BRINP1: variants seen among roughly 807,000 people sequenced by gnomAD.
The protein encoded by BRINP1 is BMP/retinoic acid-inducible neural-specific protein 1.
Under a neutral mutation model 72.9 loss-of-function variants are expected in BRINP1, and 17 were observed. The observed-to-expected ratio is 0.23, with a 90% confidence interval of 0.16 to 0.35. BRINP1 has a LOEUF of 0.35. Among genes scored for constraint, BRINP1 ranks in the 10% least tolerant of loss-of-function variants. The probability of loss-of-function intolerance (pLI) is 1.00; values close to 1 mark genes in which losing one functional copy is unlikely to be tolerated. For synonymous variants in BRINP1, 418 were observed against 378.5 expected (o/e 1.10, Z -1.21); for missense variants, 850 against 1,001.6 (o/e 0.85, Z 2.04).
At chr9:119,243,922 C>T (rs950106691) in intron 3 of BRINP1, among the ~76,000 whole-genome samples, 1 of 152,140 alleles carries the variant, frequency 6.6e-6, no homozygotes, top group African/African-American at 2.4e-5. Flanking sequence ...AAAGAGTGGG[C>T]ACCTGCATCC....
intron 7 of BRINP1, among the ~76,000 whole-genome samples, chr9:119,207,981 C>A (rs1219105541): frequency 6.6e-6 from 1 of 152,094 alleles, no homozygotes; most frequent in African/African-American, 2.4e-5. Flanking sequence ...CAGAAATGCC[C>A]CGGAAGAATA....
rs139249807 is a variant in BRINP1 at position 119,368,713 on chromosome 9, G to GACAC, written c.-51+339_-51+342dup. ...TCTTCACCCCTCCCTTACACACACG[G>GACAC]ACACACACACACACCACGAACACAC... On this transcript the variant is annotated intron_variant, in intron 1 of 7. Transcript: ENST00000265922. This position sits in a 1 kb window ranked among gnomAD's most constrained non-coding sequence, Gnocchi z 4.7. 1.3e-5 allele frequency among the ~76,000 whole-genome samples: 2 copies of GACAC among 151,386 alleles called. No individual in the cohort carries two copies. Among genetic ancestry groups the GACAC allele is most frequent in the Admixed American group, 1.3e-4 (2 of 15,194 alleles).
intron 1 of BRINP1, among the ~76,000 whole-genome samples, chr9:119,332,346 G>T (rs1405789652): frequency 6.6e-6 from 1 of 152,166 alleles, no homozygotes; most frequent in Non-Finnish European, 1.5e-5. Flanking sequence ...GAATTTTGTA[G>T]ATGTTACCTC....
At chr9:119,306,817 C>T (rs1831001987) in intron 2 of BRINP1, among the ~76,000 whole-genome samples, 2 of 152,136 alleles carry the variant, frequency 1.3e-5, no homozygotes, top group African/African-American at 4.8e-5. Context: ...CATTGAACTG[C>T]CATCCTGGTC....
intron 2 of BRINP1, among the ~76,000 whole-genome samples, chr9:119,274,324 A>G (rs1188670500): frequency 6.6e-6 from 1 of 152,248 alleles, no homozygotes. Flanking sequence ...CCTGGAAAAC[A>G]GGACCCTGGG....
chr9:119,313,543 T>G (rs1831091536), intron 1 of BRINP1, 138 bp from the exon 2 acceptor site: 1 of 736,338 alleles, frequency 1.4e-6, no homozygotes, highest in Non-Finnish European at 2.1e-6. Flanking sequence ...ATACCTTATA[T>G]CAGTAGAGTG....
chr9:119,356,412 T>C (rs1280401116), intron 1 of BRINP1, among the ~76,000 whole-genome samples: 1 of 152,238 alleles, frequency 6.6e-6, no homozygotes. Flanking sequence ...CTCAATTAAA[T>C]GTCAGCTCTA....
intron 1 of BRINP1, among the ~76,000 whole-genome samples, chr9:119,359,214 G>A (rs1831603982): frequency 6.6e-6 from 1 of 152,108 alleles, no homozygotes. Context: ...TTATTTTTGA[G>A]ATAGAATCTG....
chr9:119,178,131 G>C (rs1026952003), intron 7 of BRINP1, among the ~76,000 whole-genome samples: 1 of 152,184 alleles, frequency 6.6e-6, no homozygotes, highest in Non-Finnish European at 1.5e-5. Context: ...TGAAATTAGA[G>C]TGGGTAGGAT....
At chr9:119,207,114 TA>T (rs1175960971) in intron 7 of BRINP1, among the ~76,000 whole-genome samples, 4 of 152,082 alleles carry the variant, frequency 2.6e-5, no homozygotes, top group Non-Finnish European at 5.9e-5. Context: ...GATTTTAGAT[TA>T]GTGGGAATCT....
intron 2 of BRINP1, among the ~76,000 whole-genome samples, chr9:119,278,189 T>A (rs1324241480): frequency 6.6e-6 from 1 of 152,116 alleles, no homozygotes; most frequent in Non-Finnish European, 1.5e-5. Flanking sequence ...CACTGGATGA[T>A]CTCTCAGGTC....
rs1439217145 is a variant in BRINP1, at chr9:119,369,131, G to A, written c.-126C>T. Reference sequence around the variant, plus strand: ...TTCGGCTCGGTGGGAACTTGGGAGAGCCCTGCGTGCAGCTCGCATTCCGGG... The same window carrying A: ...TTCGGCTCGGTGGGAACTTGGGAGAACCCTGCGTGCAGCTCGCATTCCGGG... On this transcript the variant is annotated 5_prime_UTR_variant, in exon 1 of 8. Transcript: ENST00000265922. 1.5e-5 allele frequency: 6 copies of A among 398,018 alleles called. No individual in the cohort carries two copies. Among genetic ancestry groups the A allele is most frequent in the Non-Finnish European group, 2.7e-5 (6 of 225,856 alleles). 24.7% of individuals were successfully genotyped at this position (398,018 alleles called of 1,614,324 possible). A position where few individuals can be genotyped will look rare whatever the true frequency, so the allele number is the denominator to read the frequency against.
At chr9:119,320,570 G>C (rs1432267552) in intron 1 of BRINP1, among the ~76,000 whole-genome samples, 3 of 152,142 alleles carry the variant, frequency 2.0e-5, no homozygotes, top group African/African-American at 7.2e-5. Flanking sequence ...TCAGAGGGCT[G>C]AGAGTGGAGG....
chr9:119,355,077 C>A (rs1421476783), intron 1 of BRINP1, among the ~76,000 whole-genome samples: 2 of 152,148 alleles, frequency 1.3e-5, no homozygotes, highest in Non-Finnish European at 2.9e-5. Flanking sequence ...GCTCACTGAT[C>A]CCCCATATCC....
At chr9:119,304,356 G>C (rs1396536793) in intron 2 of BRINP1, among the ~76,000 whole-genome samples, 1 of 152,140 alleles carries the variant, frequency 6.6e-6, no homozygotes, top group Non-Finnish European at 1.5e-5. Context: ...CTAAAGACTT[G>C]CTAACCTATA....
At chr9:119,320,250 G>A (rs183506777) in intron 1 of BRINP1, among the ~76,000 whole-genome samples, 37 of 152,218 alleles carry the variant, frequency 2.4e-4, no homozygotes, top group Admixed American at 2.3e-3. Flanking sequence ...CCAGGGCCCT[G>A]AGGCAGCTGA....
At chr9:119,287,240 C>T (rs2118968882) in intron 2 of BRINP1, among the ~76,000 whole-genome samples, 1 of 152,266 alleles carries the variant, frequency 6.6e-6, no homozygotes, top group East Asian at 1.9e-4. Flanking sequence ...TTCCAAGGAA[C>T]AGTTCTTGAA....
rs200941861 is a variant in BRINP1 at position 119,228,483 on chromosome 9, T to TA, written c.685+10171dup. Among the ~76,000 whole-genome samples, 204 of 147,350 alleles carry TA rather than the reference T, an allele frequency of 1.4e-3. 2 individuals are homozygous for TA. Among genetic ancestry groups the TA allele is most frequent in the Admixed American group, 4.2e-3 (62 of 14,776 alleles). ...TGAATATGTTGCAAGGTGAGTAAAA[T>TA]AAAAAAAAAAATCATACTGTAAATG... On this transcript the variant is annotated intron_variant, in intron 5 of 7. Transcript: ENST00000265922.
chr9:119,214,202 G>A (rs780856773), intron 5 of BRINP1, 47 bp from the exon 6 acceptor site: 11 of 1,431,628 alleles, frequency 7.7e-6, no homozygotes, highest in East Asian at 2.3e-5. Flanking sequence ...TTAAAAAAAG[G>A]TGTTTCATTA....
Sources: allele counts gnomAD v4.1 joint callset (sites outside exome capture counted in the v4.1 genomes callset), GRCh38; gene constraint gnomAD v4.1.1; non-coding constraint Gnocchi (gnomAD v3.1); transcripts MANE v1.5; gene names NCBI Gene and HGNC (gene_info 2026-07-23, HGNC 2026-07-21).